The following GPR63 variants were observed in gnomAD, a reference collection of about 807,000 sequenced individuals.
GPR63 encodes probable G protein-coupled receptor 63.
GPR63 carries 12 observed loss-of-function variants against 23.1 expected under a neutral mutation model. The ratio of observed to expected loss-of-function variants is 0.52; its 90% CI spans 0.33 to 0.84. The LOEUF is 0.84. Among genes scored for constraint, GPR63 ranks in the 40% least tolerant of loss-of-function variants. The pLI, the probability that GPR63 is intolerant of heterozygous loss-of-function variation, is 0.02. For missense variants in GPR63, 472 were observed against 515.6 expected (o/e 0.92, Z 0.82); for synonymous variants, 172 against 191.1 (o/e 0.90, Z 0.82).
chr6:96,813,219 A>G (rs1287528567), intron 1 of GPR63, among the ~76,000 whole-genome samples: 1 of 152,110 alleles, frequency 6.6e-6, no homozygotes, highest in Non-Finnish European at 1.5e-5. Flanking sequence ...GTACATATAC[A>G]TGTTCTTTAT....
At position 96,799,319 on chromosome 6, in the gene GPR63, G is replaced by A. The variant is rs781653344; in HGVS notation, c.413C>T (p.Ala138Val). ...MLLAVLNMPF[A>V]LVTILTTRWI... is the part of the protein sequence containing the mutation. ...TCGGGTAGTAAGAATAGTTACCAGG[G>A]CAAAGGGCATGTTCAGCACTGCAAG... The change falls in exon 2 of 2, where the codon GCC becomes GTC. Residue 138 changes from alanine to valine, a missense_variant. Coordinates refer to ENST00000229955, the MANE Select transcript of GPR63 (RefSeq NM_030784.4). The A allele has an allele frequency of 2.5e-6, 4 of 1,613,984 alleles. No individual in the cohort carries two copies. The highest frequency in any genetic ancestry group is 1.3e-5 in the African/African-American group (1 of 74,908).
intron 1 of GPR63, among the ~76,000 whole-genome samples, chr6:96,810,100 C>G (rs1045933311): frequency 1.3e-5 from 2 of 152,082 alleles, no homozygotes; most frequent in Non-Finnish European, 2.9e-5. Flanking sequence ...TAGAATTCTA[C>G]GTGATAAAAA....
At position 96,799,428 on chromosome 6, in the gene GPR63, C is replaced by A. The variant is rs764931945; in HGVS notation, c.304G>T (p.Val102Phe). The A allele has an allele frequency of 1.7e-5, 28 of 1,614,082 alleles. No homozygotes were observed. The highest frequency in any genetic ancestry group is 2.0e-5 in the Non-Finnish European group (24 of 1,180,014). Residue 102 changes from valine to phenylalanine, a missense_variant, in exon 2 of 2, where the codon GTT becomes TTT. Coordinates refer to ENST00000229955, the MANE Select transcript of GPR63 (RefSeq NM_030784.4). ...GCTTTTTGGTAAACCATGAGGCAAA[C>A]AACCAAGTTCCCAAGAAAAGACACA... ...LFVSFLGNLV[V>F]CLMVYQKAAM...
At chr6:96,809,230 C>G (rs976770215) in intron 1 of GPR63, among the ~76,000 whole-genome samples, 3 of 152,122 alleles carry the variant, frequency 2.0e-5, no homozygotes, top group African/African-American at 7.2e-5. Flanking sequence ...CCATCTCTAA[C>G]CCCTCTAGGA....
intron 1 of GPR63, among the ~76,000 whole-genome samples, chr6:96,827,766 CAAATT>C (rs996142911): frequency 6.6e-5 from 10 of 151,884 alleles, no homozygotes; most frequent in Admixed American, 3.9e-4. Context: ...TTCCTTTCAG[CAAATT>C]AAATTAAATT....
chr6:96,836,959 C>A lies in GPR63; in HGVS notation c.-151+309G>T, dbSNP rs1441165126. ...CATGGGGTGCCCCTCTGCAGCCGACCGTTTTCCTAGAAGGCCTAACCGCTC... is the reference window on the plus strand; with the variant it reads ...CATGGGGTGCCCCTCTGCAGCCGACAGTTTTCCTAGAAGGCCTAACCGCTC... On this transcript the variant is annotated intron_variant, in intron 1 of 1. Transcript: ENST00000229955. 2.0e-5 allele frequency among the ~76,000 whole-genome samples: 3 copies of A among 151,912 alleles called. 1 individual carries two copies. Among genetic ancestry groups the A allele is most frequent in the African/African-American group, 7.2e-5 (3 of 41,432 alleles).
rs1241487311 is a variant in GPR63 at position 96,799,197 on chromosome 6, T to C, written c.535A>G (p.Arg179Gly). The C allele has an allele frequency of 6.2e-7, 1 of 1,614,060 alleles. No homozygotes were observed. The highest frequency in any genetic ancestry group is 2.2e-5 in the East Asian group (1 of 44,898). The change falls in exon 2 of 2, where the codon AGG becomes GGG. Residue 179 changes from arginine to glycine, a missense_variant. Arg to Gly is a moderately radical substitution (Grantham distance 125). Coordinates refer to ENST00000229955, the MANE Select transcript of GPR63 (RefSeq NM_030784.4). ...VAILLIISID[R>G]FLIIVQRQDK... ...TGCCTCTGGACTATAATAAGGAACC[T>C]ATCTATGCTAATGATGAGCAGGATG...
intron 1 of GPR63, among the ~76,000 whole-genome samples, chr6:96,808,692 G>A (rs779945461): frequency 6.6e-6 from 1 of 152,128 alleles, no homozygotes; most frequent in African/African-American, 2.4e-5. Flanking sequence ...TCAAAACTGG[G>A]ACTGCAGAGA....
At position 96,795,885 on chromosome 6, in the gene GPR63, G is replaced by C. The variant is rs1773567577; in HGVS notation, c.*2587C>G. On this transcript the variant is annotated 3_prime_UTR_variant, in exon 2 of 2. Transcript: ENST00000229955. ...CATAATACACTTCAAAATGCTACTA[G>C]TATCTACTACAGTGCTTATGTCCTA... is the stretch of plus-strand genomic sequence containing the variant. The C allele has an allele frequency of 6.6e-6, 1 of 152,158 alleles. No homozygotes were observed. The highest frequency in any genetic ancestry group is 1.5e-5 in the Non-Finnish European group (1 of 68,038). 9.4% of individuals were successfully genotyped at this position (152,158 alleles called of 1,614,324 possible).
At chr6:96,836,355 G>A (rs1447406257) in intron 1 of GPR63, among the ~76,000 whole-genome samples, 1 of 152,108 alleles carries the variant, frequency 6.6e-6, no homozygotes, top group Non-Finnish European at 1.5e-5. Context: ...ACTACTCCTA[G>A]AACTGGTTGA....
chr6:96,814,310 T>C (rs971607356), intron 1 of GPR63, among the ~76,000 whole-genome samples: 2 of 152,098 alleles, frequency 1.3e-5, no homozygotes, highest in Non-Finnish European at 2.9e-5. Context: ...CTCTCGTCTT[T>C]GAGCCATCAT....
At chr6:96,806,337 C>T (rs967823925) in intron 1 of GPR63, among the ~76,000 whole-genome samples, 2 of 152,190 alleles carry the variant, frequency 1.3e-5, no homozygotes, top group African/African-American at 4.8e-5. Flanking sequence ...AGAGACACAG[C>T]ATCTAGCTGG....
In GPR63 at chr6:96,799,028, G is replaced by A. The variant is rs149146627; in HGVS notation, c.704C>T (p.Thr235Ile). The A allele has an allele frequency of 9.9e-6, 16 of 1,614,136 alleles. No individual in the cohort carries two copies. In the African/African-American group the frequency reaches 2.1e-4, roughly 22 times the overall value. Residue 235 changes from threonine (T) to isoleucine (I), a missense_variant, in exon 2 of 2, where the codon ACC becomes ATC. Coordinates refer to ENST00000229955, the MANE Select transcript of GPR63 (RefSeq NM_030784.4). ...RAPQCVFGYT[T>I]NPGYQAYVIL... ...CACATAAGCCTGGTAGCCTGGATTG[G>A]TTGTGTACCCAAACACACACTGGGG...
rs182760865 is a variant in GPR63 at position 96,831,716 on chromosome 6, A to C, written c.-151+5552T>G. ...GAGGTCAGGAGTTCAAGACCAGCCT[A>C]ACCAACATGGTGAAACCCCCATCTA... On this transcript the variant is annotated intron_variant, in intron 1 of 1. Transcript: ENST00000229955. 2.3e-4 allele frequency among the ~76,000 whole-genome samples: 35 copies of C among 152,016 alleles called. No homozygotes were observed. In the East Asian group the frequency reaches 5.8e-3, roughly 25 times the overall value.
chr6:96,812,804 G>T (rs562399302), intron 1 of GPR63, among the ~76,000 whole-genome samples: 2 of 151,968 alleles, frequency 1.3e-5, no homozygotes, highest in East Asian at 3.9e-4. Flanking sequence ...GGGGTATCTG[G>T]AGTATCCATC....
intron 1 of GPR63, among the ~76,000 whole-genome samples, chr6:96,822,750 TC>T (rs1774344603): frequency 1.3e-5 from 2 of 152,194 alleles, no homozygotes; most frequent in Non-Finnish European, 2.9e-5. Context: ...TACAAGTTTA[TC>T]AGGGAGACTC....
At chr6:96,824,773 G>C (rs1426823280) in intron 1 of GPR63, among the ~76,000 whole-genome samples, 5 of 152,032 alleles carry the variant, frequency 3.3e-5, no homozygotes, top group African/African-American at 9.7e-5. Context: ...TTGTTACTGG[G>C]TTTCCCACTG....
At chr6:96,803,446 A>C (rs1773821541) in intron 1 of GPR63, among the ~76,000 whole-genome samples, 1 of 152,244 alleles carries the variant, frequency 6.6e-6, no homozygotes, top group South Asian at 2.1e-4. Flanking sequence ...GAAATTAAAC[A>C]AAAGCATTTT....
intron 1 of GPR63, among the ~76,000 whole-genome samples, chr6:96,828,526 T>G (rs1395209068): frequency 6.8e-6 from 1 of 147,716 alleles, no homozygotes; most frequent in African/African-American, 2.5e-5. Context: ...GATGTAGAAC[T>G]TATAGGTAAT....
Sources: gnomAD v4.1 joint callset for allele counts (sites outside exome capture counted in the v4.1 genomes callset) on GRCh38, gnomAD v4.1.1 for gene constraint, MANE v1.5 for transcripts, NCBI Gene and HGNC (gene_info 2026-07-23, HGNC 2026-07-21) for gene names.